Variants in RARB observed in about 807,000 individuals in gnomAD.
RARB encodes the protein HBV-activated protein.
In RARB, 17 loss-of-function variants were observed where a neutral mutation model predicts 51.9. The observed-to-expected ratio is 0.33, with a 90% CI of 0.22 to 0.49. The LOEUF (loss-of-function observed/expected upper bound fraction) is 0.49, where lower values mean the gene tolerates loss of function less well. Ranked by LOEUF, RARB falls within the 20% of genes least tolerant of loss-of-function variation. The pLI, the probability that RARB is intolerant of heterozygous loss-of-function variation, is 0.99. For synonymous variants in RARB, 215 were observed against 195.4 expected (o/e 1.10, Z -0.84); for missense variants, 369 against 550.8 (o/e 0.67, Z 3.30).
chr3:24,897,374 C>T (rs1013483720), intron 2 of RARB, among the ~76,000 whole-genome samples: 2 of 152,110 alleles, frequency 1.3e-5, no homozygotes, highest in African/African-American at 4.8e-5. Context: ...TTTTTGACTT[C>T]GTTCTTCAAA....
chr3:24,986,587 C>T (rs1283014621), intron 2 of RARB, among the ~76,000 whole-genome samples: 1 of 152,138 alleles, frequency 6.6e-6, no homozygotes, highest in Admixed American at 6.5e-5. Context: ...TTTAATTTGT[C>T]TTCTCTGGAT....
intron 2 of RARB, among the ~76,000 whole-genome samples, chr3:24,865,555 A>G (rs757752618): frequency 1.3e-5 from 2 of 152,172 alleles, no homozygotes; most frequent in Non-Finnish European, 2.9e-5. Context: ...CTGGTTCCAG[A>G]GACCGTGCTT....
intron 5 of RARB, among the ~76,000 whole-genome samples, chr3:25,296,437 G>C (rs1331677621): frequency 6.6e-6 from 1 of 152,140 alleles, no homozygotes; most frequent in African/African-American, 2.4e-5. Context: ...TTATCTCTGT[G>C]CTTCTGTTTC....
intron 3 of RARB, among the ~76,000 whole-genome samples, chr3:25,118,387 C>G (rs1318711417): frequency 6.6e-6 from 1 of 152,110 alleles, no homozygotes; most frequent in Admixed American, 6.6e-5. Context: ...TGTGGAGTAT[C>G]TCTTTCACAC....
At chr3:25,336,734 C>A (rs932225181) in intron 5 of RARB, among the ~76,000 whole-genome samples, 1 of 152,130 alleles carries the variant, frequency 6.6e-6, no homozygotes, top group Admixed American at 6.6e-5. Flanking sequence ...AGGTTTAGTG[C>A]CAATTACCTA....
At chr3:25,120,169 A>G (rs1699760001) in intron 3 of RARB, among the ~76,000 whole-genome samples, 1 of 152,142 alleles carries the variant, frequency 6.6e-6, no homozygotes, top group African/African-American at 2.4e-5. Flanking sequence ...TGCAAACCCA[A>G]ATTACCACAG....
intron 5 of RARB, among the ~76,000 whole-genome samples, chr3:25,419,971 C>G (rs752841395): frequency 2.0e-5 from 3 of 152,162 alleles, no homozygotes; most frequent in Non-Finnish European, 4.4e-5. Flanking sequence ...CTAAGAGAAG[C>G]TTTCGAAGCT....
chr3:25,286,689 T>G (rs1336223512), intron 5 of RARB, among the ~76,000 whole-genome samples: 1 of 152,230 alleles, frequency 6.6e-6, no homozygotes, highest in East Asian at 1.9e-4. Flanking sequence ...GATTTAATCT[T>G]TATTCATTCT....
At chr3:24,919,654 G>A (rs576236184) in intron 2 of RARB, among the ~76,000 whole-genome samples, 9 of 152,316 alleles carry the variant, frequency 5.9e-5, no homozygotes, top group African/African-American at 2.2e-4. Context: ...AAACTGTTTA[G>A]TAGGATTTGT....
chr3:25,531,908 T>C (rs1173667248), intron 3 of RARB, among the ~76,000 whole-genome samples: 1 of 147,814 alleles, frequency 6.8e-6, no homozygotes, highest in Non-Finnish European at 1.5e-5. Flanking sequence ...TTAGTAAAAA[T>C]AATCTTTCCA....
chr3:25,385,117 C>T (rs1235385957), intron 5 of RARB, among the ~76,000 whole-genome samples: 1 of 152,148 alleles, frequency 6.6e-6, no homozygotes, highest in Non-Finnish European at 1.5e-5. Context: ...TCATCTTAGC[C>T]CTGTAGTTTG....
chr3:25,163,168 G>T (rs955095539), intron 4 of RARB, among the ~76,000 whole-genome samples: 1 of 152,062 alleles, frequency 6.6e-6, no homozygotes, highest in Non-Finnish European at 1.5e-5. Flanking sequence ...AGTCAAATCT[G>T]GATTAAATAA....
intron 5 of RARB, among the ~76,000 whole-genome samples, chr3:25,233,469 A>G (rs1193523558): frequency 6.6e-6 from 1 of 152,120 alleles, no homozygotes; most frequent in Non-Finnish European, 1.5e-5. Context: ...TTTTCCATGT[A>G]GATAGTTGTC....
At chr3:25,568,474 T>A in intron 3 of RARB, among the ~76,000 whole-genome samples, 1 of 152,068 alleles carries the variant, frequency 6.6e-6, no homozygotes, top group Non-Finnish European at 1.5e-5. Flanking sequence ...GTACAGACAC[T>A]GACTTTGTAG....
intron 5 of RARB, among the ~76,000 whole-genome samples, chr3:25,402,254 C>T (rs1001718752): frequency 1.3e-5 from 2 of 152,126 alleles, no homozygotes; most frequent in Non-Finnish European, 2.9e-5. Context: ...CAGTTTCATC[C>T]AACACTATGA....
intron 4 of RARB, among the ~76,000 whole-genome samples, chr3:25,159,352 A>T (rs763463984): frequency 4.0e-4 from 60 of 151,184 alleles, no homozygotes; most frequent in Admixed American, 6.6e-4. Context: ...TGTTTTTAGT[A>T]GAGACCGGGT....
At chr3:24,929,359 A>C (rs1327188073) in intron 2 of RARB, among the ~76,000 whole-genome samples, 2 of 152,080 alleles carry the variant, frequency 1.3e-5, no homozygotes, top group African/African-American at 2.4e-5. Context: ...AATTATAGGA[A>C]GATCTAACCA....
At chr3:25,527,557 G>T (rs1698706812) in intron 3 of RARB, among the ~76,000 whole-genome samples, 1 of 152,154 alleles carries the variant, frequency 6.6e-6, no homozygotes, top group Non-Finnish European at 1.5e-5. Flanking sequence ...ACAAAATGGG[G>T]CTGAGCTGAC....
intron 3 of RARB, 120 bp downstream of exon 3, chr3:25,501,443 A>G (rs1225089723): frequency 8.2e-7 from 1 of 1,215,200 alleles, no homozygotes; most frequent in Non-Finnish European, 1.1e-6. Context: ...GGTAGGTGTG[A>G]ATAGAGATGA....
Sources: gnomAD v4.1 joint callset for allele counts (sites outside exome capture counted in the v4.1 genomes callset) on GRCh38, gnomAD v4.1.1 for gene constraint, MANE v1.5 for transcripts, NCBI Gene and HGNC (gene_info 2026-07-23, HGNC 2026-07-21) for gene names.